The following MYO5B variants were observed in gnomAD, a reference collection of about 807,000 sequenced individuals.
The protein encoded by MYO5B is unconventional myosin-Vb.
In MYO5B, 143 loss-of-function variants were observed where a neutral mutation model predicts 229.3. The observed-to-expected ratio is 0.62, with a 90% CI of 0.54 to 0.72. The LOEUF is 0.72. Ranked by LOEUF, MYO5B falls within the 30% of genes least tolerant of loss-of-function variation. The pLI, the probability that MYO5B is intolerant of heterozygous loss-of-function variation, is 0.00. For synonymous variants in MYO5B, 918 were observed against 885.2 expected, an observed-to-expected ratio of 1.04 and a Z score of -0.66; for missense variants, 2,321 against 2,331.0, an observed-to-expected ratio of 1.00 and a Z score of 0.09.
intron 39 of MYO5B, among the ~76,000 whole-genome samples, chr18:49,828,049 T>C (rs897235804): frequency 1.3e-5 from 2 of 152,142 alleles, no homozygotes; most frequent in African/African-American, 4.8e-5. Flanking sequence ...GTAGAACCTA[T>C]AGATAGAAAA....
intron 17 of MYO5B, among the ~76,000 whole-genome samples, chr18:49,929,120 A>T (rs993856844): frequency 2.0e-5 from 3 of 152,192 alleles, no homozygotes; most frequent in Admixed American, 1.3e-4. Context: ...CTACTGAAAA[A>T]ATTTAAAAAG....
chr18:49,931,713 C>T (rs907645293), intron 16 of MYO5B, among the ~76,000 whole-genome samples: 10 of 152,290 alleles, frequency 6.6e-5, no homozygotes, highest in South Asian at 6.2e-4. Flanking sequence ...AGCAGCTGCT[C>T]GGCTGCCCAT....
Position 49,878,951 on chromosome 18 carries a change from G to C in MYO5B, c.3270C>G (p.Ile1090Met). The C allele has an allele frequency of 1.2e-6, 2 of 1,614,132 alleles. No individual in the cohort carries two copies. The highest frequency in any genetic ancestry group is 1.7e-6 in the Non-Finnish European group (2 of 1,180,026). ...RYDNLRDEMT[I>M]IKQTPGHRRN... ...GCAGAAGCACCCCCCTTGCCTTTATGATGGTCATTTCATCCCGAAGGTTGT... is the reference window on the plus strand; with the variant it reads ...GCAGAAGCACCCCCCTTGCCTTTATCATGGTCATTTCATCCCGAAGGTTGT... Residue 1090 changes from isoleucine to methionine, a missense_variant, in exon 24 of 40, where the codon ATC (isoleucine) becomes ATG (methionine). Around this residue, in one of 2 missense-constraint regions of MYO5B, gnomAD observed 2,113 missense variants for 2,044.7 expected, o/e 1.03. Coordinates refer to ENST00000285039, the MANE Select transcript of MYO5B (RefSeq NM_001080467.3).
In MYO5B at chr18:50,175,493, G is replaced by C. The variant is rs181306556; in HGVS notation, c.27+19274C>G. On this transcript the variant is annotated intron_variant, in intron 1 of 39. Coordinates refer to ENST00000285039, the MANE Select transcript of MYO5B (RefSeq NM_001080467.3). ...TCTGTTCTTAAGATCAAGTGAGTTG[G>C]AAACCTATTTCTTTAAGAAAAACAA... 1.4e-3 allele frequency among the ~76,000 whole-genome samples: 217 copies of C among 152,296 alleles called. 1 individual carries two copies. The highest frequency in any genetic ancestry group is 0.014 in the Middle Eastern group (4 of 294).
rs1598909219 is a variant in MYO5B at position 49,954,555 on chromosome 18, A to G, written c.1546-120T>C. ...TGAAGGTTGATTCAGCCCTCGAACC[A>G]GGACCTTAACTGGACGGTGCAAAGA... is the stretch of plus-strand genomic sequence containing the variant. On this transcript the variant is annotated intron_variant, in intron 12 of 39. Transcript: ENST00000285039. 12 of 1,319,582 alleles carry G rather than the reference A, an allele frequency of 9.1e-6. No individual in the cohort carries two copies. The East Asian group carries it at 2.6e-4, about 29-fold the overall frequency. 81.7% of individuals were successfully genotyped at this position (1,319,582 alleles called of 1,614,324 possible). A position where few individuals can be genotyped will look rare whatever the true frequency, so the allele number is the denominator to read the frequency against.
At chr18:50,160,666 A>G (rs957505066) in intron 1 of MYO5B, among the ~76,000 whole-genome samples, 1 of 152,136 alleles carries the variant, frequency 6.6e-6, no homozygotes, top group Non-Finnish European at 1.5e-5. Flanking sequence ...ACTCTGGGTC[A>G]CCTGAAACTT....
At chr18:49,881,750 C>CCGAGAT in intron 22 of MYO5B, among the ~76,000 whole-genome samples, 1 of 151,310 alleles carries the variant, frequency 6.6e-6, no homozygotes, top group East Asian at 1.9e-4. Context: ...TTGCAGTGAG[C>CCGAGAT]CGAGATCGCG....
chr18:49,951,230 T>C (rs2025427929), intron 14 of MYO5B, among the ~76,000 whole-genome samples: 1 of 152,146 alleles, frequency 6.6e-6, no homozygotes, highest in African/African-American at 2.4e-5. Flanking sequence ...CTTTGCTGAG[T>C]TTGCTGTTTA....
chr18:50,084,173 A>G (rs949842955), intron 1 of MYO5B, among the ~76,000 whole-genome samples: 2 of 152,210 alleles, frequency 1.3e-5, no homozygotes, highest in African/African-American at 4.8e-5. Flanking sequence ...TGCAAAATGA[A>G]AAGAAGACTC....
rs78889079 is a variant in MYO5B, at chr18:50,185,812, T to G, written c.27+8955A>C. 6.3e-4 allele frequency among the ~76,000 whole-genome samples: 96 copies of G among 151,948 alleles called. No individual in the cohort carries two copies. In the East Asian group the frequency reaches 0.017, roughly 27 times the overall value. ...TTAAGAAAAAATTACAGTACATCCATATGCTGCCTTGTGCAGCCATTAAAA... is the reference window on the plus strand; with the variant it reads ...TTAAGAAAAAATTACAGTACATCCAGATGCTGCCTTGTGCAGCCATTAAAA... On this transcript the variant is annotated intron_variant, in intron 1 of 39. Transcript: ENST00000285039.
rs1374687972 is a variant in MYO5B at position 50,098,584 on chromosome 18, C to G, written c.28-43206G>C. ...AACTGTGTGGTACAGATTGGAAGCA[C>G]AGTGGCATGGGGACTGGATTAACTG... On this transcript the variant is annotated intron_variant, in intron 1 of 39. Transcript: ENST00000285039. 2.6e-5 allele frequency among the ~76,000 whole-genome samples: 4 copies of G among 152,258 alleles called. No homozygotes were observed. In the South Asian group the frequency reaches 6.2e-4, roughly 24 times the overall value.
chr18:49,997,754 C>T lies in MYO5B; in HGVS notation c.612+3501G>A, dbSNP rs938968263. ...CTCAAGTCGCCTTTAATTCCAACAA[C>T]TGCCACTTAGCATAGACCACTGGGA... On this transcript the variant is annotated intron_variant, in intron 5 of 39. Transcript: ENST00000285039. Among the ~76,000 whole-genome samples the T allele has an allele frequency of 5.3e-5, 8 of 152,166 alleles. 1 individual carries two copies. In the East Asian group the frequency reaches 1.2e-3, roughly 22 times the overall value.
rs2025143206 is a variant in MYO5B at position 49,927,562 on chromosome 18, T to G, written c.2090+1950A>C. Among the ~76,000 whole-genome samples the G allele has an allele frequency of 2.0e-5, 3 of 152,148 alleles. 1 individual carries two copies. The South Asian group carries it at 6.2e-4, about 32-fold the overall frequency. ...GTATAAAAACGGGTGTATAGACCAATGGAACAGAACTGAGAACCCAGAAAT... is the reference window on the plus strand; with the variant it reads ...GTATAAAAACGGGTGTATAGACCAAGGGAACAGAACTGAGAACCCAGAAAT... On this transcript the variant is annotated intron_variant, in intron 17 of 39. Coordinates refer to ENST00000285039, the MANE Select transcript of MYO5B (RefSeq NM_001080467.3).
intron 1 of MYO5B, chr18:50,099,298 G>T (rs1222651659): frequency 6.6e-6 from 1 of 152,312 alleles, no homozygotes; most frequent in Non-Finnish European, 1.5e-5. Flanking sequence ...ATAATGAGAA[G>T]TAGGTTTGGA....
chr18:49,857,208 C>T (rs2024273205), intron 29 of MYO5B, among the ~76,000 whole-genome samples: 1 of 152,210 alleles, frequency 6.6e-6, no homozygotes, highest in Admixed American at 6.5e-5. Flanking sequence ...CTGTAAATGG[C>T]AGCAAGGCAG....
intron 27 of MYO5B, among the ~76,000 whole-genome samples, chr18:49,866,692 T>C (rs1051717857): frequency 6.6e-6 from 1 of 152,210 alleles, no homozygotes; most frequent in Admixed American, 6.5e-5. Flanking sequence ...CTCCCACCAA[T>C]CTTCATCATC....
At chr18:49,960,248 G>A (rs1424810589) in intron 12 of MYO5B, among the ~76,000 whole-genome samples, 1 of 152,194 alleles carries the variant, frequency 6.6e-6, no homozygotes, top group Non-Finnish European at 1.5e-5. Context: ...GTCTCATGGG[G>A]TCACAGAACT....
intron 10 of MYO5B, among the ~76,000 whole-genome samples, chr18:49,966,168 A>C (rs1281225315): frequency 2.0e-5 from 3 of 152,150 alleles, no homozygotes; most frequent in Admixed American, 2.0e-4. Flanking sequence ...CCCAGAATAC[A>C]TCAGGCTTCT....
Position 50,137,818 on chromosome 18 carries a change from G to A in MYO5B, c.27+56949C>T, listed in dbSNP as rs140731266. On this transcript the variant is annotated intron_variant, in intron 1 of 39. Transcript: ENST00000285039. ...ATGCAGCTATGAAAATTGAGATCAC[G>A]TCTTTTGCAGGAACATGGATGAAGC... 6.3e-3 allele frequency among the ~76,000 whole-genome samples: 959 copies of A among 152,096 alleles called. 5 individuals are homozygous for A. Among genetic ancestry groups the A allele is most frequent in the African/African-American group, 0.019 (789 of 41,462 alleles).
Sources: gnomAD v4.1 joint callset for allele counts (sites outside exome capture counted in the v4.1 genomes callset) on GRCh38, gnomAD v4.1.1 for gene constraint, gnomAD v4.1.1 regional missense constraint, MANE v1.5 for transcripts, NCBI Gene and HGNC (gene_info 2026-07-23, HGNC 2026-07-21) for gene names.